The following ATP8B4 variants were observed in gnomAD, a reference collection of about 807,000 sequenced individuals.
The protein encoded by ATP8B4 is ATPase phospholipid transporting 8B4 (putative).
In ATP8B4, 133 loss-of-function variants were observed where a neutral mutation model predicts 145.6. That is an observed-to-expected ratio of 0.91 (90% CI 0.79 to 1.05). The LOEUF is 1.05. ATP8B4 is among the 50% of genes least tolerant of loss of function. The probability of loss-of-function intolerance (pLI) is 0.00; values close to 1 mark genes in which losing one functional copy is unlikely to be tolerated. For missense variants in ATP8B4, 1,458 were observed against 1,425.2 expected (o/e 1.02, Z -0.37); for synonymous variants, 507 against 492.9 (o/e 1.03, Z -0.38).
At chr15:50,071,701 T>C (rs767488525) in intron 3 of ATP8B4, among the ~76,000 whole-genome samples, 5 of 152,208 alleles carry the variant, frequency 3.3e-5, no homozygotes, top group Non-Finnish European at 7.3e-5. Context: ...TGAATGACCA[T>C]ATGTCAGGAG....
intron 10 of ATP8B4, among the ~76,000 whole-genome samples, chr15:49,983,217 T>C (rs1481559433): frequency 6.6e-6 from 1 of 152,184 alleles, no homozygotes; most frequent in Non-Finnish European, 1.5e-5. Context: ...TAAATCTATA[T>C]ATTTAAACCT....
At chr15:49,864,714 A>G (rs894763904) in intron 26 of ATP8B4, among the ~76,000 whole-genome samples, 10 of 152,290 alleles carry the variant, frequency 6.6e-5, no homozygotes, top group African/African-American at 2.4e-4. Context: ...ATTCCTCTGC[A>G]ATCTTCCCAC....
At chr15:49,877,194 G>T (rs1449891782) in intron 24 of ATP8B4, among the ~76,000 whole-genome samples, 1 of 152,184 alleles carries the variant, frequency 6.6e-6, no homozygotes, top group Non-Finnish European at 1.5e-5. Context: ...GGTCCCAAGA[G>T]AAACTAAATG....
chr15:49,920,930 G>A (rs2040204277), intron 17 of ATP8B4, among the ~76,000 whole-genome samples: 2 of 152,116 alleles, frequency 1.3e-5, no homozygotes, highest in African/African-American at 4.8e-5. Flanking sequence ...TCCCCCTAGT[G>A]ATATGCCTAT....
chr15:50,181,127 A>T (rs1015544563), intron 1 of ATP8B4, among the ~76,000 whole-genome samples: 1 of 152,192 alleles, frequency 6.6e-6, no homozygotes, highest in Non-Finnish European at 1.5e-5. Flanking sequence ...AAAATAACTC[A>T]GGCTCCCAAA....
At chr15:50,018,394 A>G (rs1354346634) in intron 6 of ATP8B4, among the ~76,000 whole-genome samples, 1 of 152,194 alleles carries the variant, frequency 6.6e-6, no homozygotes, top group Admixed American at 6.5e-5. Flanking sequence ...TAATCTAGAC[A>G]CCATGCTGAG....
chr15:50,042,245 G>A (rs2051350309), intron 5 of ATP8B4, among the ~76,000 whole-genome samples: 1 of 151,852 alleles, frequency 6.6e-6, no homozygotes, highest in South Asian at 2.1e-4. Flanking sequence ...GAAATGAAGA[G>A]TTATATCCTG....
intron 14 of ATP8B4, among the ~76,000 whole-genome samples, chr15:49,947,437 CAA>C (rs35281379): frequency 3.4e-5 from 3 of 89,046 alleles, no homozygotes; most frequent in African/African-American, 4.4e-5. Context: ...GACTCTGTCT[CAA>C]AAAAAAAAAA....
chr15:49,987,902 T>TTC (rs1261322372), intron 9 of ATP8B4, among the ~76,000 whole-genome samples: 7 of 152,220 alleles, frequency 4.6e-5, no homozygotes, highest in African/African-American at 1.2e-4. Flanking sequence ...TCCTAAAAGT[T>TTC]TCTCTTATTC....
intron 1 of ATP8B4, among the ~76,000 whole-genome samples, chr15:50,149,376 C>T (rs765762789): frequency 6.6e-6 from 1 of 152,172 alleles, no homozygotes. Context: ...ACCTCTCTTC[C>T]TCTTCAAATC....
intron 16 of ATP8B4, among the ~76,000 whole-genome samples, chr15:49,928,552 T>C (rs540359249): frequency 6.6e-6 from 1 of 152,042 alleles, no homozygotes; most frequent in Non-Finnish European, 1.5e-5. Flanking sequence ...CTATGCTTTT[T>C]AAGTAGGGGG....
intron 1 of ATP8B4, among the ~76,000 whole-genome samples, chr15:50,141,507 G>C (rs1461056902): frequency 6.6e-6 from 1 of 152,066 alleles, no homozygotes; most frequent in Non-Finnish European, 1.5e-5. Context: ...TACTTATTGA[G>C]CGTCTCTTAA....
intron 3 of ATP8B4, among the ~76,000 whole-genome samples, chr15:50,053,900 A>C (rs1307947126): frequency 6.6e-6 from 1 of 152,116 alleles, no homozygotes; most frequent in Non-Finnish European, 1.5e-5. Context: ...AAAATAACAA[A>C]CTCTGCTATA....
At chr15:50,174,553 A>G (rs1207990555) in intron 1 of ATP8B4, among the ~76,000 whole-genome samples, 1 of 122,720 alleles carries the variant, frequency 8.1e-6, no homozygotes, top group Non-Finnish European at 1.7e-5. Context: ...AATCACTGCA[A>G]AAAAAAAAAA....
At chr15:49,901,506 C>T (rs1456228519) in intron 20 of ATP8B4, among the ~76,000 whole-genome samples, 1 of 152,130 alleles carries the variant, frequency 6.6e-6, no homozygotes, top group Non-Finnish European at 1.5e-5. Context: ...AAATCACCAT[C>T]TTGAGCTGTG....
chr15:50,070,548 T>G (rs1268263138), intron 3 of ATP8B4, among the ~76,000 whole-genome samples: 1 of 152,148 alleles, frequency 6.6e-6, no homozygotes, highest in East Asian at 1.9e-4. Flanking sequence ...CTAGGTGTAG[T>G]TGGGGGTCCC....
chr15:50,006,443 C>T (rs1003138634), intron 7 of ATP8B4, among the ~76,000 whole-genome samples: 30 of 133,008 alleles, frequency 2.3e-4, no homozygotes, highest in African/African-American at 8.6e-4. Context: ...GCAACTCTGA[C>T]GTGAAGTTAT....
intron 10 of ATP8B4, 84 bp from the exon 11 acceptor site, chr15:49,981,378 G>GA (rs1207857637): frequency 1.7e-5 from 17 of 1,019,918 alleles, no homozygotes; most frequent in Admixed American, 7.7e-5. Flanking sequence ...GTCTCTGAAA[G>GA]AAAAAAATAT....
At chr15:50,053,269 C>T (rs1228736812) in intron 3 of ATP8B4, among the ~76,000 whole-genome samples, 2 of 152,158 alleles carry the variant, frequency 1.3e-5, no homozygotes, top group African/African-American at 4.8e-5. Flanking sequence ...CTAACTTACA[C>T]GAGTTGACAC....
Sources: allele counts gnomAD v4.1 joint callset (sites outside exome capture counted in the v4.1 genomes callset), GRCh38; gene constraint gnomAD v4.1.1; transcripts MANE v1.5; gene names NCBI Gene and HGNC (gene_info 2026-07-23, HGNC 2026-07-21).